SH3BP5: variants seen among roughly 807,000 people sequenced by gnomAD.
SH3BP5 encodes the protein SH3 domain-binding protein 5.
A neutral mutation model predicts 43.3 loss-of-function variants in SH3BP5; 22 were observed. That is an observed-to-expected ratio of 0.51 (90% CI 0.36 to 0.73). The LOEUF (loss-of-function observed/expected upper bound fraction) is 0.73. Among genes scored for constraint, SH3BP5 ranks in the 30% least tolerant of loss-of-function variants. The pLI is 0.00. For missense variants in SH3BP5, 529 were observed against 586.9 expected, an observed-to-expected ratio of 0.90 and a Z score of 1.02; for synonymous variants, 255 against 225.8, an observed-to-expected ratio of 1.13 and a Z score of -1.16.
At chr3:15,332,716 C>T (rs1698649023), upstream of SH3BP5, 1 of 1,044,560 alleles carries the variant, frequency 9.6e-7, no homozygotes, top group Admixed American at 5.2e-5. Flanking sequence ...AACCCCAGCT[C>T]CCTCCACATC....
chr3:15,323,368 C>T (rs1195711417), intron 2 of SH3BP5, among the ~76,000 whole-genome samples: 1 of 152,192 alleles, frequency 6.6e-6, no homozygotes, highest in African/African-American at 2.4e-5. Flanking sequence ...GAGCCACTGC[C>T]AGGCCCCATG....
chr3:15,339,149 G>C (rs557256623), intron 1 of SH3BP5, among the ~76,000 whole-genome samples: 1 of 152,164 alleles, frequency 6.6e-6, no homozygotes, highest in Non-Finnish European at 1.5e-5. Flanking sequence ...AGGGATCAGA[G>C]CCTCCACATT....
At position 15,316,885 on chromosome 3, in the gene SH3BP5, G is replaced by A. The variant is rs796896475; in HGVS notation, c.202-12654C>T. Among the ~76,000 whole-genome samples the A allele has an allele frequency of 5.9e-5, 9 of 152,348 alleles. No individual in the cohort carries two copies. The South Asian group carries it at 8.3e-4, about 14-fold the overall frequency. ...ACCCTGCATGCACATAAGCAAGAAC[G>A]TGCTCATGCACACAGCTAGAAAGAC... On this transcript the variant is annotated intron_variant, in intron 2 of 8. Transcript: ENST00000383791.
chr3:15,300,376 G>A (rs1697702542), intron 3 of SH3BP5, among the ~76,000 whole-genome samples: 1 of 152,184 alleles, frequency 6.6e-6, no homozygotes, highest in African/African-American at 2.4e-5. Flanking sequence ...GAATGAGGAT[G>A]CAGGGACTCT....
At chr3:15,332,213 C>A (rs1039993229) in intron 1 of SH3BP5, 58 bp downstream of exon 1, 1 of 1,546,770 alleles carries the variant, frequency 6.5e-7, no homozygotes, top group Admixed American at 1.9e-5. Context: ...CGCGTAGACA[C>A]CGACCTCCGT....
At chr3:15,328,886 A>T (rs1351054956) in intron 2 of SH3BP5, among the ~76,000 whole-genome samples, 1 of 152,234 alleles carries the variant, frequency 6.6e-6, no homozygotes, top group Non-Finnish European at 1.5e-5. Flanking sequence ...TGATGACAGC[A>T]GTTTAATACA....
At chr3:15,330,461 A>C in intron 2 of SH3BP5, 43 bp downstream of exon 2, 1 of 1,510,256 alleles carries the variant, frequency 6.6e-7, no homozygotes, top group Non-Finnish European at 9.2e-7. Context: ...TGCCGGTGTG[A>C]GTGACATCAC....
chr3:15,296,574 A>AT (rs1476290560), intron 3 of SH3BP5, among the ~76,000 whole-genome samples: 2 of 152,110 alleles, frequency 1.3e-5, no homozygotes, highest in East Asian at 1.9e-4. Flanking sequence ...AAAATAATAA[A>AT]TTTTTTTAAA....
Position 15,262,250 on chromosome 3 carries a change from C to T in SH3BP5, c.535G>A (p.Val179Met). ...AEQTKTRSEL[V>M]HKETAARYNA... is the part of the protein sequence containing the mutation. Reference sequence around the variant, plus strand: ...TACCTGGCTGCCGTCTCCTTATGCACCAGCTCGCTCCTGGTCTTGGTCTGC... The same window carrying T: ...TACCTGGCTGCCGTCTCCTTATGCATCAGCTCGCTCCTGGTCTTGGTCTGC... Residue 179 changes from valine to methionine, a missense_variant, in exon 5 of 9, where the codon GTG becomes ATG. Physicochemically the swap from Val to Met is conservative, Grantham distance 21 (BLOSUM62 1). This residue lies in a region of SH3BP5 where 369 missense variants were observed against 384.3 expected (regional missense o/e 0.96). Coordinates refer to ENST00000383791, the MANE Select transcript of SH3BP5 (RefSeq NM_004844.5). The T allele has an allele frequency of 6.2e-7, 1 of 1,614,178 alleles. No homozygotes were observed. Among genetic ancestry groups the T allele is most frequent in the Non-Finnish European group, 8.5e-7 (1 of 1,180,036 alleles).
intron 3 of SH3BP5, among the ~76,000 whole-genome samples, chr3:15,293,010 GC>G (rs1424029005): frequency 1.3e-5 from 2 of 152,226 alleles, no homozygotes; most frequent in African/African-American, 2.4e-5. Flanking sequence ...GTCAAAAGCT[GC>G]AACACATCTC....
intron 6 of SH3BP5, chr3:15,259,329 C>T: frequency 1.8e-6 from 1 of 551,364 alleles, no homozygotes; most frequent in South Asian, 2.1e-5. Flanking sequence ...GCATCAGACA[C>T]ACCAAAGTCC....
rs369714788 is a variant in SH3BP5, at chr3:15,326,472, A to T, written c.201+4032T>A. On this transcript the variant is annotated intron_variant, in intron 2 of 8. Coordinates refer to ENST00000383791, the MANE Select transcript of SH3BP5 (RefSeq NM_004844.5). ...TCACGAGAGGTGCCGAACGCCCCAG[A>T]TCGCAATCAAAAGGCAATGGGAAAG... 6.6e-5 allele frequency among the ~76,000 whole-genome samples: 10 copies of T among 152,328 alleles called. No individual in the cohort carries two copies. In the East Asian group the frequency reaches 1.5e-3, roughly 23 times the overall value.
intron 3 of SH3BP5, among the ~76,000 whole-genome samples, chr3:15,286,737 G>C (rs1697275747): frequency 6.6e-6 from 1 of 152,056 alleles, no homozygotes; most frequent in African/African-American, 2.4e-5. Context: ...GTATAGATGG[G>C]GTTTTGCCAC....
intron 3 of SH3BP5, among the ~76,000 whole-genome samples, chr3:15,302,173 T>A (rs1027811987): frequency 9.2e-5 from 14 of 152,236 alleles, no homozygotes; most frequent in African/African-American, 3.1e-4. Flanking sequence ...CTACAGTGGG[T>A]AGGACACATC....
At chr3:15,257,137 C>T in intron 7 of SH3BP5, 24 bp from the exon 8 acceptor site, 1 of 1,606,040 alleles carries the variant, frequency 6.2e-7, no homozygotes, top group Non-Finnish European at 8.5e-7. Flanking sequence ...GAACACCAGT[C>T]ACATGGGTTC....
chr3:15,293,502 C>G (rs1180123168), intron 3 of SH3BP5, among the ~76,000 whole-genome samples: 1 of 152,230 alleles, frequency 6.6e-6, no homozygotes, highest in East Asian at 1.9e-4. Flanking sequence ...CTTCTCGGAA[C>G]AAGAGCTTCT....
chr3:15,330,416 C>G (rs529423505), intron 2 of SH3BP5, 88 bp downstream of exon 2: 11 of 1,083,752 alleles, frequency 1.0e-5, no homozygotes, highest in Non-Finnish European at 1.3e-5. Flanking sequence ...CCAGCAATAA[C>G]ACTCCAGCTA....
chr3:15,277,749 A>G lies in SH3BP5; in HGVS notation c.331-7872T>C, dbSNP rs1210938833. Among the ~76,000 whole-genome samples the G allele has an allele frequency of 6.6e-5, 10 of 152,130 alleles. No homozygotes were observed. The East Asian group carries it at 1.9e-3, about 29-fold the overall frequency. ...CCCCACTCCCCTTTCTAAATGTCTT[A>G]GTACTTAAAATCCAAAAGGACTCTG... On this transcript the variant is annotated intron_variant, in intron 3 of 8. Coordinates refer to ENST00000383791, the MANE Select transcript of SH3BP5 (RefSeq NM_004844.5).
At position 15,304,814 on chromosome 3, in the gene SH3BP5, C is replaced by CAAA. The variant is rs11358968; in HGVS notation, c.202-586_202-584dup. On this transcript the variant is annotated intron_variant, in intron 2 of 8. Coordinates refer to ENST00000383791, the MANE Select transcript of SH3BP5 (RefSeq NM_004844.5). Reference sequence around the variant, plus strand: ...TGGGTGACAGAGCACGACTCTGTCTCAAAAAAAAAAAAAAAAAAAGCTTAG... The same window carrying CAAA: ...TGGGTGACAGAGCACGACTCTGTCTCAAAAAAAAAAAAAAAAAAAAAAGCTTAG... 6.7e-4 allele frequency among the ~76,000 whole-genome samples: 54 copies of CAAA among 80,106 alleles called. 1 individual carries two copies. The South Asian group carries it at 0.018, about 27-fold the overall frequency. 52.6% of individuals were successfully genotyped at this position (80,106 alleles called of 152,430 possible). A position where few individuals can be genotyped will look rare whatever the true frequency, so the allele number is the denominator to read the frequency against.
Sources: gnomAD v4.1 joint callset for allele counts (sites outside exome capture counted in the v4.1 genomes callset) on GRCh38, gnomAD v4.1.1 for gene constraint, gnomAD v4.1.1 regional missense constraint, MANE v1.5 for transcripts, NCBI Gene and HGNC (gene_info 2026-07-23, HGNC 2026-07-21) for gene names.